Variants in PLCH2 observed in about 807,000 individuals in gnomAD.
PLCH2 encodes the protein phospholipase C eta 2.
PLCH2 carries 98 observed loss-of-function variants against 134.7 expected under a neutral mutation model. The ratio of observed to expected loss-of-function variants is 0.73; its 90% CI spans 0.62 to 0.86. The LOEUF (loss-of-function observed/expected upper bound fraction) is 0.86, where lower values mean the gene tolerates loss of function less well. PLCH2 is among the 40% of genes least tolerant of loss of function. PLCH2 has a pLI of 0.00. For missense variants in PLCH2, 1,994 were observed against 1,986.6 expected, an observed-to-expected ratio of 1.00 and a Z score of -0.07; for synonymous variants, 974 against 827.5, an observed-to-expected ratio of 1.18 and a Z score of -3.04.
chr1:2,484,692 T>C, intron 5 of PLCH2, 74 bp downstream of exon 5: 1 of 1,525,414 alleles, frequency 6.6e-7, no homozygotes. Context: ...TGAGCTTCAG[T>C]CAGGGGACAG....
At position 2,503,913 on chromosome 1, in the gene PLCH2, T is replaced by TCCCCACAGACACCCCCCCCCCCTC; in HGVS notation, c.2965_2966insCCCCCCCCTCCCCCACAGACACCC. ...TCTGGCTCTCTCTCACTCCCCCACC[T>TCCCCACAGACACCCCCCCCCCCTC]CCCCACAGACACCCGCCCCCTCTCC... On this transcript the variant is annotated splice_polypyrimidine_tract_variant and intron_variant, in intron 21 of 21. Coordinates refer to ENST00000378486, the MANE Select transcript of PLCH2 (RefSeq NM_014638.4). 1 of 328,082 alleles carries TCCCCACAGACACCCCCCCCCCCTC rather than the reference T, an allele frequency of 3.0e-6. No individual in the cohort carries two copies. Among genetic ancestry groups the TCCCCACAGACACCCCCCCCCCCTC allele is most frequent in the Non-Finnish European group, 5.4e-6 (1 of 183,540 alleles). The allele number at this position is 328,082 out of a possible 1,614,324, so 20.3% of individuals were successfully genotyped here.
Position 2,504,191 on chromosome 1 carries a change from G to T in PLCH2, c.3229G>T (p.Asp1077Tyr). 1 of 1,546,152 alleles carries T rather than the reference G, an allele frequency of 6.5e-7. No individual in the cohort carries two copies. Among genetic ancestry groups the T allele is most frequent in the Non-Finnish European group, 8.7e-7 (1 of 1,146,728 alleles). The part of the protein sequence containing the change: ...AYERAPGSQT[D>Y]GRSQPRTLGH... ...CGAGAGGGCCCCCGGCAGCCAGACG[G>T]ACGGCAGGAGCCAGCCCCGGACCCT... is the stretch of plus-strand genomic sequence containing the variant. The change falls in exon 22 of 22, where the codon GAC becomes TAC. Residue 1077 changes from aspartate to tyrosine, a missense_variant. Physicochemically the swap from Asp to Tyr is radical, Grantham distance 160 (BLOSUM62 -3). This residue lies in a region of PLCH2 where 900 missense variants were observed against 752.3 expected (regional missense o/e 1.20). Transcript: ENST00000378486.
chr1:2,503,015 G>C (rs949243680), intron 21 of PLCH2: 13 of 714,866 alleles, frequency 1.8e-5, no homozygotes, highest in Non-Finnish European at 3.4e-5. Context: ...TCGTGTGCTC[G>C]TGCTCGTGGC....
At chr1:2,500,000 GC>G in intron 20 of PLCH2, 1 of 554,848 alleles carries the variant, frequency 1.8e-6, no homozygotes. Flanking sequence ...TGTCACCCAT[GC>G]CTGTCTCAGA....
At chr1:2,500,001 CCTGT>C in intron 20 of PLCH2, 6 of 554,062 alleles carry the variant, frequency 1.1e-5, no homozygotes, top group Non-Finnish European at 1.3e-5. Context: ...GTCACCCATG[CCTGT>C]CTCAGACTCT....
At chr1:2,494,644 C>G (rs920882375) in intron 11 of PLCH2, among the ~76,000 whole-genome samples, 3 of 152,218 alleles carry the variant, frequency 2.0e-5, no homozygotes, top group African/African-American at 7.2e-5. Flanking sequence ...TCCTCGGCAG[C>G]TGCCTCTGCC....
In PLCH2 at chr1:2,444,401, G is replaced by A. The variant is rs1473749960; in HGVS notation, c.115+13772G>A. On this transcript the variant is annotated intron_variant, in intron 2 of 3. Coordinates refer to the PLCH2 transcript ENST00000609981. The surrounding 1 kb of genome is among the most constrained non-coding windows in gnomAD (Gnocchi z 4.6). ...CATGGCACATCTGCCTGGGCTGCAGGTGCTCATCTGGGGGGAGCCGGCCTC... is the reference window on the plus strand; with the variant it reads ...CATGGCACATCTGCCTGGGCTGCAGATGCTCATCTGGGGGGAGCCGGCCTC... Among the ~76,000 whole-genome samples, 1 of 152,216 alleles carries A rather than the reference G, an allele frequency of 6.6e-6. No homozygotes were observed. The highest frequency in any genetic ancestry group is 1.5e-5 in the Non-Finnish European group (1 of 68,018).
intron 2 of PLCH2, among the ~76,000 whole-genome samples, chr1:2,437,520 C>T (rs1557945250): frequency 6.6e-6 from 1 of 151,858 alleles, no homozygotes; most frequent in East Asian, 1.9e-4. Flanking sequence ...GCCCACCATC[C>T]GACTCAGCCT....
chr1:2,463,570 C>T (rs974692281), upstream of PLCH2, among the ~76,000 whole-genome samples: 1 of 152,230 alleles, frequency 6.6e-6, no homozygotes, highest in African/African-American at 2.4e-5. Flanking sequence ...GGCCCCACAC[C>T]GCTGGCGGGA....
rs1203508525 is a variant in PLCH2 at position 2,476,554 on chromosome 1, G to A, written c.-35G>A. ...TGCCCGAAGGCCGGTGGGCCTCTGT[G>A]GCCTCCGTGAAGCAGGCCCGGCTGT... is the stretch of plus-strand genomic sequence containing the variant. On this transcript the variant is annotated 5_prime_UTR_variant, in exon 1 of 22. Coordinates refer to ENST00000378486, the MANE Select transcript of PLCH2 (RefSeq NM_014638.4). 1.4e-6 allele frequency: 2 copies of A among 1,465,002 alleles called. No homozygotes were observed. Among genetic ancestry groups the A allele is most frequent in the Non-Finnish European group, 1.8e-6 (2 of 1,113,516 alleles). 90.8% of individuals were successfully genotyped at this position (1,465,002 alleles called of 1,614,324 possible).
chr1:2,455,753 A>G (rs1347010728), intron 2 of PLCH2, among the ~76,000 whole-genome samples: 2 of 151,962 alleles, frequency 1.3e-5, no homozygotes, highest in African/African-American at 4.8e-5. Context: ...CAGGTGTGAG[A>G]GGGCCCAGTT....
At chr1:2,476,926 C>T (rs1041288845) in intron 1 of PLCH2, among the ~76,000 whole-genome samples, 6 of 152,260 alleles carry the variant, frequency 3.9e-5, no homozygotes, top group African/African-American at 1.2e-4. Flanking sequence ...CAGCACACCT[C>T]GGTCTCCCAG....
At chr1:2,469,178 T>A (rs1043055668) in intron 1 of PLCH2, among the ~76,000 whole-genome samples, 1 of 152,200 alleles carries the variant, frequency 6.6e-6, no homozygotes, top group Non-Finnish European at 1.5e-5. Context: ...CTGGAGTCAC[T>A]GCCCTGTGCT....
intron 2 of PLCH2, chr1:2,479,069 T>G (rs1641804803): frequency 2.4e-5 from 4 of 169,238 alleles, no homozygotes; most frequent in Admixed American, 5.8e-5. Context: ...GTGCAGGGGG[T>G]GGGTGGGGAG....
chr1:2,475,893 C>T (rs1419536736), upstream of PLCH2, among the ~76,000 whole-genome samples: 1 of 152,152 alleles, frequency 6.6e-6, no homozygotes, highest in African/African-American at 2.4e-5. Context: ...AGCTTCTGCC[C>T]CTGCTCTGGG....
At chr1:2,489,408 G>A (rs1642444351) in intron 9 of PLCH2, 30 bp downstream of exon 9, 2 of 1,609,076 alleles carry the variant, frequency 1.2e-6, no homozygotes, top group African/African-American at 2.7e-5. Flanking sequence ...CCTGGGACCA[G>A]CTCACACAGA....
chr1:2,494,773 C>T lies in PLCH2; in HGVS notation c.1660-83C>T, dbSNP rs1417697205. ...AGCCCACCTCTTCCAGGAAGGCCTT[C>T]TGGGACCACCAGGGGCTGTCCCGGC... is the stretch of plus-strand genomic sequence containing the variant. On this transcript the variant is annotated intron_variant, in intron 11 of 21. Transcript: ENST00000378486. 3.4e-6 allele frequency: 3 copies of T among 890,006 alleles called. No homozygotes were observed. In the South Asian group the frequency reaches 4.1e-5, roughly 12 times the overall value. The allele number at this position is 890,006 out of a possible 1,614,324, so 55.1% of individuals were successfully genotyped here.
chr1:2,501,844 C>G (rs1347689921), intron 20 of PLCH2: 9 of 441,916 alleles, frequency 2.0e-5, no homozygotes, highest in Non-Finnish European at 2.8e-5. Flanking sequence ...CTGGACAGGT[C>G]AGGCGAGGGC....
chr1:2,421,984 G>C (rs536548175), upstream of PLCH2, among the ~76,000 whole-genome samples: 56 of 146,314 alleles, frequency 3.8e-4, no homozygotes, highest in Non-Finnish European at 7.5e-4. Context: ...AAAAAAAGAA[G>C]AAAAGGCCAG....
Sources: gnomAD v4.1 joint callset for allele counts (sites outside exome capture counted in the v4.1 genomes callset) on GRCh38, gnomAD v4.1.1 for gene constraint, gnomAD v4.1.1 regional missense constraint, Gnocchi (gnomAD v3.1) non-coding constraint, MANE v1.5 for transcripts, NCBI Gene and HGNC (gene_info 2026-07-23, HGNC 2026-07-21) for gene names.